Variants in CNTNAP5 observed in about 807,000 individuals in gnomAD.
The protein encoded by CNTNAP5 is contactin-associated protein-like 5.
A neutral mutation model predicts 150.2 loss-of-function variants in CNTNAP5; 72 were observed. The observed-to-expected ratio is 0.48, with a 90% CI of 0.40 to 0.58. The LOEUF (loss-of-function observed/expected upper bound fraction) is 0.58. CNTNAP5 is among the 20% of genes least tolerant of loss of function. The pLI is 0.00. For synonymous variants in CNTNAP5, 672 were observed against 619.8 expected (o/e 1.08, Z -1.25); for missense variants, 1,636 against 1,626.2 (o/e 1.01, Z -0.10).
At chr2:124,367,499 C>A (rs1690407398) in intron 3 of CNTNAP5, among the ~76,000 whole-genome samples, 1 of 152,100 alleles carries the variant, frequency 6.6e-6, no homozygotes, top group Non-Finnish European at 1.5e-5. Context: ...CCCACTGGGT[C>A]CCTCCCATGA....
intron 11 of CNTNAP5, among the ~76,000 whole-genome samples, chr2:124,579,834 A>T (rs1696370367): frequency 1.3e-5 from 2 of 152,234 alleles, no homozygotes; most frequent in Admixed American, 1.3e-4. Context: ...CCTAAGTGAG[A>T]AAATGACCAA....
intron 3 of CNTNAP5, among the ~76,000 whole-genome samples, chr2:124,258,106 G>A (rs1687359670): frequency 2.6e-5 from 4 of 152,088 alleles, no homozygotes; most frequent in Admixed American, 2.6e-4. Flanking sequence ...GCCCTGGCAT[G>A]ACATAAATAC....
At chr2:124,496,216 C>T (rs997653959) in intron 7 of CNTNAP5, among the ~76,000 whole-genome samples, 3 of 152,114 alleles carry the variant, frequency 2.0e-5, no homozygotes, top group Non-Finnish European at 2.9e-5. Context: ...ATTTGATTCC[C>T]GAGTCACCCT....
chr2:124,790,768 T>G (rs1437665484), intron 18 of CNTNAP5, among the ~76,000 whole-genome samples: 1 of 152,168 alleles, frequency 6.6e-6, no homozygotes, highest in Non-Finnish European at 1.5e-5. Context: ...TCTCCTGAGT[T>G]CATTACATTG....
chr2:124,742,621 C>T (rs1478098980), intron 13 of CNTNAP5, among the ~76,000 whole-genome samples: 1 of 135,732 alleles, frequency 7.4e-6, no homozygotes, highest in Non-Finnish European at 1.7e-5. Context: ...ATATTACACG[C>T]ACAGACACAC....
intron 1 of CNTNAP5, among the ~76,000 whole-genome samples, chr2:124,218,577 G>A (rs1200052110): frequency 2.0e-5 from 3 of 152,142 alleles, no homozygotes; most frequent in Non-Finnish European, 4.4e-5. Context: ...CTTTCCATTA[G>A]CATAAATCTA....
chr2:124,419,153 A>AAAAAAAAAAAAAAAAAAAAAAAAAC (rs1553466545), intron 4 of CNTNAP5, among the ~76,000 whole-genome samples: 7 of 76,420 alleles, frequency 9.2e-5, no homozygotes, highest in East Asian at 4.3e-4. Flanking sequence ...AAAAAAAAAA[A>AAAAAAAAAAAAAAAAAAAAAAAAAC]AAAAAAAAAA....
At chr2:124,358,464 T>C (rs1225744049) in intron 3 of CNTNAP5, among the ~76,000 whole-genome samples, 1 of 152,216 alleles carries the variant, frequency 6.6e-6, no homozygotes, top group African/African-American at 2.4e-5. Context: ...TCTTATTATT[T>C]TGTAATATGT....
intron 3 of CNTNAP5, among the ~76,000 whole-genome samples, chr2:124,259,566 G>T (rs1385562144): frequency 6.6e-6 from 1 of 152,134 alleles, no homozygotes; most frequent in Non-Finnish European, 1.5e-5. Context: ...GGTGTGAGAT[G>T]GTATCTCATT....
chr2:124,703,875 A>G (rs1438316651), intron 13 of CNTNAP5, among the ~76,000 whole-genome samples: 1 of 152,180 alleles, frequency 6.6e-6, no homozygotes, highest in African/African-American at 2.4e-5. Flanking sequence ...TCAGTGAATG[A>G]CACACTCTTA....
At chr2:124,537,755 C>T (rs568243849) in intron 10 of CNTNAP5, among the ~76,000 whole-genome samples, 90 of 152,262 alleles carry the variant, frequency 5.9e-4, no homozygotes, top group African/African-American at 2.0e-3. Flanking sequence ...TAGAAATAAG[C>T]GACCTTGAAC....
chr2:124,672,584 A>G (rs1401993015), intron 13 of CNTNAP5, among the ~76,000 whole-genome samples: 4 of 152,178 alleles, frequency 2.6e-5, no homozygotes, highest in Non-Finnish European at 5.9e-5. Flanking sequence ...AGAAGAGGAC[A>G]TTTCTTAGGG....
At chr2:124,882,976 C>T (rs553440146) in intron 21 of CNTNAP5, among the ~76,000 whole-genome samples, 1 of 151,990 alleles carries the variant, frequency 6.6e-6, no homozygotes, top group Non-Finnish European at 1.5e-5. Flanking sequence ...AATTCTCTCC[C>T]TCCCAAAATA....
In CNTNAP5 at chr2:124,764,101, C is replaced by T. The variant is rs1003409626; in HGVS notation, c.2487C>T (p.Phe829=). The change falls in exon 16 of 24, where the codon TTC becomes TTT. Residue 829 remains phenylalanine, a synonymous_variant. Coordinates refer to ENST00000682447, the MANE Select transcript of CNTNAP5 (RefSeq NM_001367498.1). ...FFKTTALSGV[F]LENLGIKDFI... ...AAACCACAGCATTATCCGGAGTTTTCCTAGAAAATCTTGGCATTAAAGACT... is the reference window on the plus strand; with the variant it reads ...AAACCACAGCATTATCCGGAGTTTTTCTAGAAAATCTTGGCATTAAAGACT... 16 of 1,613,000 alleles carry T rather than the reference C, an allele frequency of 9.9e-6. No homozygotes were observed. The Admixed American group carries it at 1.7e-4, about 17-fold the overall frequency.
At chr2:124,410,840 A>T (rs1310374485) in intron 3 of CNTNAP5, among the ~76,000 whole-genome samples, 2 of 150,440 alleles carry the variant, frequency 1.3e-5, no homozygotes, top group East Asian at 3.9e-4. Context: ...AAGAGCAAAC[A>T]CATTCAAAAG....
intron 1 of CNTNAP5, among the ~76,000 whole-genome samples, chr2:124,032,022 T>C (rs1258116820): frequency 1.3e-5 from 2 of 152,208 alleles, no homozygotes; most frequent in African/African-American, 4.8e-5. Flanking sequence ...AAACTCAAGT[T>C]TGTCTATGAA....
At chr2:124,341,837 G>A (rs1437496425) in intron 3 of CNTNAP5, among the ~76,000 whole-genome samples, 2 of 152,106 alleles carry the variant, frequency 1.3e-5, no homozygotes, top group Non-Finnish European at 2.9e-5. Context: ...CTATAAATAA[G>A]CTGTTGTGGT....
intron 6 of CNTNAP5, among the ~76,000 whole-genome samples, chr2:124,462,838 G>A (rs1029165027): frequency 6.6e-6 from 1 of 152,324 alleles, no homozygotes; most frequent in Non-Finnish European, 1.5e-5. Flanking sequence ...TCCCTTGACA[G>A]ATAGACATCC....
rs531797469 is a variant in CNTNAP5 at position 124,466,262 on chromosome 2, C to A, written c.919-8477C>A. Among the ~76,000 whole-genome samples the A allele has an allele frequency of 2.5e-4, 38 of 152,182 alleles. 1 individual carries two copies. The East Asian group carries it at 7.3e-3, about 29-fold the overall frequency. On this transcript the variant is annotated intron_variant, in intron 6 of 23. Transcript: ENST00000682447. ...TTCTCTGAAAATCCTTCAGAGAATA[C>A]AATAACTCTATTCTTTTCAGCCTAG...
Sources: allele counts gnomAD v4.1 joint callset (sites outside exome capture counted in the v4.1 genomes callset), GRCh38; gene constraint gnomAD v4.1.1; transcripts MANE v1.5; gene names NCBI Gene and HGNC (gene_info 2026-07-23, HGNC 2026-07-21).